Variants in VPS13B observed in about 807,000 individuals in gnomAD.
The protein encoded by VPS13B is intermembrane lipid transfer protein VPS13B.
VPS13B carries 285 observed loss-of-function variants against 426.4 expected under a neutral mutation model. The observed-to-expected ratio is 0.67, with a 90% CI of 0.61 to 0.74. The LOEUF is 0.74. Ranked by LOEUF, VPS13B falls within the 30% of genes least tolerant of loss-of-function variation. VPS13B has a pLI of 0.00. For missense variants in VPS13B, 4,537 were observed against 4,782.6 expected (o/e 0.95, Z 1.51); for synonymous variants, 1,676 against 1,676.4 (o/e 1.00, Z 0.01).
At chr8:99,843,843 A>G (rs180787672) in intron 54 of VPS13B, among the ~76,000 whole-genome samples, 13 of 152,248 alleles carry the variant, frequency 8.5e-5, no homozygotes, top group Admixed American at 3.3e-4. Flanking sequence ...CCAGGTTTGT[A>G]AGTATATAGG....
At chr8:99,029,690 C>T (rs1842408793) in intron 2 of VPS13B, among the ~76,000 whole-genome samples, 1 of 151,412 alleles carries the variant, frequency 6.6e-6, no homozygotes, top group Admixed American at 6.6e-5. Flanking sequence ...GCAGGAGAAT[C>T]AGGCAGGGAT....
intron 44 of VPS13B, among the ~76,000 whole-genome samples, chr8:99,811,019 T>C (rs1030469303): frequency 6.4e-4 from 97 of 152,206 alleles, no homozygotes; most frequent in African/African-American, 2.2e-3. Flanking sequence ...GAATCTGCTG[T>C]CAATGAATAT....
intron 25 of VPS13B, among the ~76,000 whole-genome samples, chr8:99,500,278 A>G (rs1277316414): frequency 6.6e-6 from 1 of 152,166 alleles, no homozygotes; most frequent in Admixed American, 6.5e-5. Context: ...AAAGCAATAA[A>G]CTATTGGAGG....
At chr8:99,315,560 A>G (rs2133113062) in intron 19 of VPS13B, among the ~76,000 whole-genome samples, 1 of 147,760 alleles carries the variant, frequency 6.8e-6, no homozygotes, top group East Asian at 2.0e-4. Context: ...TCTTTGCATC[A>G]TTTATGTGTG....
At chr8:99,421,412 A>T (rs1296193378) in intron 21 of VPS13B, among the ~76,000 whole-genome samples, 1 of 152,366 alleles carries the variant, frequency 6.6e-6, no homozygotes, top group East Asian at 1.9e-4. Context: ...GATCCATAGT[A>T]GAAATTTTAT....
Position 99,869,027 on chromosome 8 carries a change from C to T in VPS13B, c.11392+562C>T, listed in dbSNP as rs921507244. Among the ~76,000 whole-genome samples the T allele has an allele frequency of 3.9e-5, 6 of 152,348 alleles. No individual in the cohort carries two copies. In the East Asian group the frequency reaches 9.6e-4, roughly 24 times the overall value. The stretch of plus-strand genomic sequence containing the variant: ...TGGCAGTACCTGCACTTGGATGGGG[C>T]GTGCCGGGGCCTCTCCCCGTGCAGC... On this transcript the variant is annotated intron_variant, in intron 59 of 61. Transcript: ENST00000357162.
At chr8:99,832,773 T>C (rs1815153216) in intron 52 of VPS13B, 121 bp downstream of exon 52, 2 of 970,634 alleles carry the variant, frequency 2.1e-6, no homozygotes, top group South Asian at 1.5e-5. Context: ...GCTTTATTTT[T>C]AATTACTTCT....
Position 99,653,596 on chromosome 8 carries a change from G to T in VPS13B, c.5909-7758G>T, listed in dbSNP as rs140606462. On this transcript the variant is annotated intron_variant, in intron 34 of 61. Coordinates refer to ENST00000357162, the MANE Select transcript of VPS13B (RefSeq NM_152564.5). ...TAAGAAAGAGATCAAGGACAACACAGAGCAGCACATAAAATGAATTAAAAG... is the reference window on the plus strand; with the variant it reads ...TAAGAAAGAGATCAAGGACAACACATAGCAGCACATAAAATGAATTAAAAG... Among the ~76,000 whole-genome samples, 949 of 151,712 alleles carry T rather than the reference G, an allele frequency of 6.3e-3. 8 individuals are homozygous for T. The highest frequency in any genetic ancestry group is 0.022 in the African/African-American group (891 of 41,316).
intron 35 of VPS13B, among the ~76,000 whole-genome samples, chr8:99,661,827 C>T (rs1830237937): frequency 6.6e-6 from 1 of 151,926 alleles, no homozygotes; most frequent in Non-Finnish European, 1.5e-5. Flanking sequence ...GTTTTCTTAC[C>T]TGTATATGAA....
chr8:99,515,163 A>C (rs983303230), intron 29 of VPS13B, among the ~76,000 whole-genome samples: 1 of 152,258 alleles, frequency 6.6e-6, no homozygotes, highest in Non-Finnish European at 1.5e-5. Flanking sequence ...AGAAGAGGAA[A>C]AAAAAGAACA....
chr8:99,720,993 T>G lies in VPS13B; in HGVS notation c.6996T>G (p.Phe2332Leu). 6.2e-7 allele frequency: 1 copy of G among 1,614,058 alleles called. No homozygotes were observed. Among genetic ancestry groups the G allele is most frequent in the Non-Finnish European group, 8.5e-7 (1 of 1,179,948 alleles). The change falls in exon 39 of 62, where the codon TTT becomes TTG. Residue 2332 changes from phenylalanine to leucine, a missense_variant. Phe to Leu is a conservative substitution (Grantham distance 22). This residue lies in a region of VPS13B where 4,311 missense variants were observed against 4,474.3 expected (regional missense o/e 0.96). Transcript: ENST00000357162. The part of the protein sequence containing the change: ...LTLVRITPVP[F>L]NTTEDPDIST... ...TTGTACGAATAACTCCTGTACCTTT[T>G]AACACCACAGAGGATCCAGATATTA...
rs149727474 is a variant in VPS13B at position 99,717,318 on chromosome 8, G to T, written c.6602G>T (p.Gly2201Val). ...AKWCKHSGNP[G>V]PEQSIPKISI... The stretch of plus-strand genomic sequence containing the variant: ...TGGTGTAAACACAGCGGGAATCCAG[G>T]CCCAGAACAATCCATACCAAAAATA... The change falls in exon 37 of 62, where the codon GGC (glycine) becomes GTC (valine). Residue 2201 changes from glycine to valine, a missense_variant. Coordinates refer to ENST00000357162, the MANE Select transcript of VPS13B (RefSeq NM_152564.5). The T allele has an allele frequency of 2.5e-6, 4 of 1,613,856 alleles. No homozygotes were observed. The highest frequency in any genetic ancestry group is 3.4e-6 in the Non-Finnish European group (4 of 1,179,966).
At chr8:99,584,446 C>A (rs917186465) in intron 33 of VPS13B, among the ~76,000 whole-genome samples, 2 of 152,168 alleles carry the variant, frequency 1.3e-5, no homozygotes, top group African/African-American at 4.8e-5. Context: ...TCCTCAGGCT[C>A]CAGTAAACTG....
chr8:99,596,605 T>C, intron 33 of VPS13B, among the ~76,000 whole-genome samples: 1 of 151,832 alleles, frequency 6.6e-6, no homozygotes, highest in East Asian at 1.9e-4. Flanking sequence ...GATTAGAGCA[T>C]AGGGGAAATG....
intron 50 of VPS13B, among the ~76,000 whole-genome samples, chr8:99,823,427 G>A (rs1814492478): frequency 6.6e-6 from 1 of 152,144 alleles, no homozygotes. Flanking sequence ...CATTAGTGAG[G>A]CAGCTGCTGG....
At chr8:99,312,396 TG>T (rs1260085481) in intron 19 of VPS13B, among the ~76,000 whole-genome samples, 2 of 152,202 alleles carry the variant, frequency 1.3e-5, no homozygotes, top group Non-Finnish European at 2.9e-5. Flanking sequence ...TTTGCTTGTC[TG>T]TAAAGTGTTT....
chr8:99,478,095 AAAAG>A (rs1208988789), intron 24 of VPS13B, among the ~76,000 whole-genome samples: 1 of 151,806 alleles, frequency 6.6e-6, no homozygotes, highest in African/African-American at 2.4e-5. Context: ...TTAAAAAAAA[AAAAG>A]AAAAAAGAAG....
At chr8:99,673,861 C>T (rs1830817918) in intron 35 of VPS13B, among the ~76,000 whole-genome samples, 1 of 151,972 alleles carries the variant, frequency 6.6e-6, no homozygotes. Flanking sequence ...TTCATTGATT[C>T]ATTGATCATT....
chr8:99,874,774 G>C (rs1029016318), intron 61 of VPS13B, among the ~76,000 whole-genome samples: 2 of 152,186 alleles, frequency 1.3e-5, no homozygotes, highest in Non-Finnish European at 2.9e-5. Context: ...CTGAAGATGA[G>C]CCAGACTTTT....
Sources: allele counts gnomAD v4.1 joint callset (sites outside exome capture counted in the v4.1 genomes callset), GRCh38; gene constraint gnomAD v4.1.1; regional missense constraint gnomAD v4.1.1; transcripts MANE v1.5; gene names NCBI Gene and HGNC (gene_info 2026-07-23, HGNC 2026-07-21).